ITPR1: variants seen among roughly 807,000 people sequenced by gnomAD.
ITPR1 encodes inositol 1,4,5-trisphosphate receptor type 1.
In ITPR1, 96 loss-of-function variants were observed where a neutral mutation model predicts 318.4. That is an observed-to-expected ratio of 0.30 (90% CI 0.26 to 0.36). The LOEUF is 0.36. Among genes scored for constraint, ITPR1 ranks in the 10% least tolerant of loss-of-function variants. The probability of loss-of-function intolerance (pLI) is 1.00; values close to 1 mark genes in which losing one functional copy is unlikely to be tolerated. For synonymous variants in ITPR1, 1,312 were observed against 1,289.9 expected (o/e 1.02, Z -0.37); for missense variants, 2,440 against 3,460.2 (o/e 0.71, Z 7.40).
At chr3:4,716,416 G>C (rs1342899215) in intron 39 of ITPR1, among the ~76,000 whole-genome samples, 7 of 152,180 alleles carry the variant, frequency 4.6e-5, no homozygotes, top group Middle Eastern at 3.2e-3. Context: ...GCTTTGGAAA[G>C]AAATTCAGAG....
intron 2 of ITPR1, among the ~76,000 whole-genome samples, chr3:4,509,303 C>T (rs973222055): frequency 3.3e-5 from 5 of 152,202 alleles, no homozygotes; most frequent in African/African-American, 1.2e-4. Context: ...CTTGTCAGTA[C>T]TCCAAGCCAT....
intron 44 of ITPR1, among the ~76,000 whole-genome samples, chr3:4,748,154 C>T (rs1008968499): frequency 1.3e-5 from 2 of 152,192 alleles, no homozygotes; most frequent in Non-Finnish European, 2.9e-5. Flanking sequence ...GTGTCTTACC[C>T]AAAGTCACCC....
At chr3:4,592,705 A>T (rs373722536) in intron 4 of ITPR1, among the ~76,000 whole-genome samples, 1 of 152,172 alleles carries the variant, frequency 6.6e-6, no homozygotes, top group African/African-American at 2.4e-5. Context: ...CTGGATTTGC[A>T]AGCTCTTTTT....
At chr3:4,746,627 G>A (rs1249391540) in intron 44 of ITPR1, among the ~76,000 whole-genome samples, 1 of 152,224 alleles carries the variant, frequency 6.6e-6, no homozygotes. Context: ...AGGGGGCAGA[G>A]ACCAAGTCTG....
At chr3:4,776,895 AAG>A (rs778376801) in intron 47 of ITPR1, among the ~76,000 whole-genome samples, 1 of 152,246 alleles carries the variant, frequency 6.6e-6, no homozygotes, top group Non-Finnish European at 1.5e-5. Context: ...AAAATACAAA[AAG>A]AGTGCTTTAG....
chr3:4,703,014 G>A (rs2094688080), intron 36 of ITPR1, 64 bp downstream of exon 36: 17 of 1,546,536 alleles, frequency 1.1e-5, no homozygotes, highest in Non-Finnish European at 1.5e-5. Flanking sequence ...TAGTAAGGCT[G>A]CCATTTATTG....
At chr3:4,803,321 T>C (rs2048361658) in intron 54 of ITPR1, among the ~76,000 whole-genome samples, 2 of 152,172 alleles carry the variant, frequency 1.3e-5, no homozygotes, top group South Asian at 4.2e-4. Context: ...TCTGGGTCCC[T>C]TTTTCAGACA....
In ITPR1 at chr3:4,645,490, G is replaced by A. The variant is rs545242843; in HGVS notation, c.708+20G>A. 2.2e-5 allele frequency: 35 copies of A among 1,605,980 alleles called. No individual in the cohort carries two copies. The Middle Eastern group carries it at 5.0e-4, about 23-fold the overall frequency. On this transcript the variant is annotated intron_variant, in intron 9 of 61. Coordinates refer to ENST00000649015, the MANE Select transcript of ITPR1 (RefSeq NM_001378452.1). ...AAGGGGGTGAGTTTGATGCTTTATGGGCTGAGCATTACTTGGCTCTTCTTG... is the reference window on the plus strand; with the variant it reads ...AAGGGGGTGAGTTTGATGCTTTATGAGCTGAGCATTACTTGGCTCTTCTTG...
At chr3:4,806,595 C>G (rs2048568781) in intron 55 of ITPR1, among the ~76,000 whole-genome samples, 1 of 152,142 alleles carries the variant, frequency 6.6e-6, no homozygotes, top group Admixed American at 6.5e-5. Context: ...TTAGACTCAG[C>G]CGCACTTACA....
Position 4,609,048 on chromosome 3 carries a change from C to T in ITPR1, c.164-18715C>T, listed in dbSNP as rs1185637304. On this transcript the variant is annotated intron_variant, in intron 4 of 61. Transcript: ENST00000649015. ...AAACAAAAGAAAACAACAACAACAA[C>T]GAAATATATATATATATATATATAT... Among the ~76,000 whole-genome samples the T allele has an allele frequency of 8.2e-4, 17 of 20,706 alleles. 1 individual carries two copies. The highest frequency in any genetic ancestry group is 1.5e-3 in the African/African-American group (11 of 7,380). 13.6% of individuals were successfully genotyped at this position (20,706 alleles called of 152,430 possible). A position where few individuals can be genotyped will look rare whatever the true frequency, so the allele number is the denominator to read the frequency against.
intron 14 of ITPR1, among the ~76,000 whole-genome samples, chr3:4,661,690 A>G (rs1255733580): frequency 6.6e-6 from 1 of 152,352 alleles, no homozygotes; most frequent in African/African-American, 2.4e-5. Flanking sequence ...TTAGATTTAT[A>G]GAAAAGTTGA....
intron 2 of ITPR1, among the ~76,000 whole-genome samples, chr3:4,511,767 G>A (rs2081844836): frequency 6.6e-6 from 1 of 152,210 alleles, no homozygotes; most frequent in Non-Finnish European, 1.5e-5. Context: ...TGGAGCCTCA[G>A]CTCCTGCCTG....
intron 2 of ITPR1, among the ~76,000 whole-genome samples, chr3:4,510,140 AGTG>A (rs1465991657): frequency 2.0e-5 from 3 of 152,158 alleles, no homozygotes; most frequent in Admixed American, 6.5e-5. Context: ...GTTAGCCACA[AGTG>A]GTGGTGGGAG....
intron 4 of ITPR1, among the ~76,000 whole-genome samples, chr3:4,543,488 C>T (rs1179390726): frequency 6.6e-6 from 1 of 152,176 alleles, no homozygotes; most frequent in East Asian, 1.9e-4. Context: ...AATAAATATA[C>T]AGTCCAGGTA....
chr3:4,554,269 C>A lies in ITPR1; in HGVS notation c.163+33175C>A, dbSNP rs145899776. Among the ~76,000 whole-genome samples, 332 of 152,254 alleles carry A rather than the reference C, an allele frequency of 2.2e-3. 1 individual carries two copies. The highest frequency in any genetic ancestry group is 7.4e-3 in the African/African-American group (309 of 41,524). ...ATAGAGGCCCACTGATACCTGTGAGCTTAGCAGTGTATCATTCTTTATTTT... is the reference window on the plus strand; with the variant it reads ...ATAGAGGCCCACTGATACCTGTGAGATTAGCAGTGTATCATTCTTTATTTT... On this transcript the variant is annotated intron_variant, in intron 4 of 61. Transcript: ENST00000649015.
chr3:4,560,323 C>G (rs1294927925), intron 4 of ITPR1, among the ~76,000 whole-genome samples: 2 of 152,174 alleles, frequency 1.3e-5, no homozygotes, highest in Non-Finnish European at 1.5e-5. Context: ...AAGGTTCTCT[C>G]TCAGGTCTCA....
intron 58 of ITPR1, 170 bp from the exon 59 acceptor site, chr3:4,814,883 C>T (rs1353501066): frequency 1.7e-5 from 11 of 647,468 alleles, no homozygotes; most frequent in Non-Finnish European, 2.4e-5. Context: ...TTGGAGAAGT[C>T]GCAATTGAGA....
rs2047006400 is a variant in ITPR1 at position 4,784,067 on chromosome 3, C to T, written c.6615+147C>T. On this transcript the variant is annotated intron_variant, in intron 51 of 61. Coordinates refer to ENST00000649015, the MANE Select transcript of ITPR1 (RefSeq NM_001378452.1). The stretch of plus-strand genomic sequence containing the variant: ...GCTAGGTCCTGGGCTGGGTGCTGGA[C>T]ATCCCATGGCCAAGACAGTCATTAT... The T allele has an allele frequency of 5.2e-6, 3 of 581,574 alleles. No individual in the cohort carries two copies. In the South Asian group the frequency reaches 8.0e-5, roughly 16 times the overall value. The allele number at this position is 581,574 out of a possible 1,614,324, so 36.0% of individuals were successfully genotyped here.
intron 54 of ITPR1, among the ~76,000 whole-genome samples, chr3:4,803,707 GTTCTT>G (rs931928289): frequency 4.6e-5 from 7 of 152,240 alleles, no homozygotes; most frequent in Admixed American, 2.6e-4. Context: ...GGGCTGTCTA[GTTCTT>G]TTCTTCTCTG....
Sources: gnomAD v4.1 joint callset for allele counts (sites outside exome capture counted in the v4.1 genomes callset) on GRCh38, gnomAD v4.1.1 for gene constraint, MANE v1.5 for transcripts, NCBI Gene and HGNC (gene_info 2026-07-23, HGNC 2026-07-21) for gene names.